The following IL7R variants were observed in gnomAD, a reference collection of about 807,000 sequenced individuals.
The protein encoded by IL7R is interleukin 7 receptor.
Under a neutral mutation model 47.0 loss-of-function variants are expected in IL7R, and 38 were observed. The ratio of observed to expected loss-of-function variants is 0.81; its 90% confidence interval spans 0.62 to 1.06. IL7R has a LOEUF of 1.06. Among genes scored for constraint, IL7R ranks in the 50% least tolerant of loss-of-function variants. The pLI is 0.00. For synonymous variants in IL7R, 221 were observed against 199.8 expected, an observed-to-expected ratio of 1.11 and a Z score of -0.89; for missense variants, 633 against 534.8, an observed-to-expected ratio of 1.18 and a Z score of -1.81.
At chr5:35,863,645 T>C (rs1454672646) in intron 2 of IL7R, among the ~76,000 whole-genome samples, 2 of 152,180 alleles carry the variant, frequency 1.3e-5, no homozygotes, top group Non-Finnish European at 2.9e-5. Flanking sequence ...TCTGCCCAGA[T>C]CTTCACTTCC....
chr5:35,874,575 G>T (rs747783695), intron 6 of IL7R, 33 bp downstream of exon 6: 2 of 1,429,560 alleles, frequency 1.4e-6, no homozygotes, highest in Non-Finnish European at 2.0e-6. Flanking sequence ...GAGGGTGATT[G>T]TGTGGGATCA....
chr5:35,875,313 T>C (rs1760175947), intron 6 of IL7R, 199 bp from the exon 7 acceptor site: 2 of 639,550 alleles, frequency 3.1e-6, no homozygotes, highest in Non-Finnish European at 5.7e-6. Context: ...CTGTGGTCTC[T>C]GGTCCAACCC....
intron 5 of IL7R, among the ~76,000 whole-genome samples, 153 bp downstream of exon 5, chr5:35,873,801 T>A (rs1580862624): frequency 1.3e-5 from 2 of 152,342 alleles, no homozygotes; most frequent in East Asian, 3.9e-4. Context: ...ACTTGCCTGC[T>A]GTCTTTGCGC....
chr5:35,874,569 G>T lies in IL7R; in HGVS notation c.800+27G>T, dbSNP rs369257250. 1.2e-5 allele frequency: 17 copies of T among 1,467,656 alleles called. No individual in the cohort carries two copies. The African/African-American group carries it at 1.8e-4, about 16-fold the overall frequency. The allele number at this position is 1,467,656 out of a possible 1,614,324, so 90.9% of individuals were successfully genotyped here. The stretch of plus-strand genomic sequence containing the variant: ...TGACCTTCTTCAACTAATAAAGAGG[G>T]TGATTGTGTGGGATCACGGACAGTC... On this transcript the variant is annotated intron_variant, in intron 6 of 7. Transcript: ENST00000303115.
In IL7R at chr5:35,875,345, C is replaced by T. The variant is rs183881550; in HGVS notation, c.801-167C>T. 1.1e-4 allele frequency: 75 copies of T among 684,204 alleles called. 2 individuals carry two copies. Among genetic ancestry groups the T allele is most frequent in the East Asian group, 9.1e-4 (33 of 36,160 alleles). 42.4% of individuals were successfully genotyped at this position (684,204 alleles called of 1,614,324 possible). A position where few individuals can be genotyped will look rare whatever the true frequency, so the allele number is the denominator to read the frequency against. ...ACCCCTCCTTGAATTGATAGGGCCC[C>T]GAGGCCCAGAGAAAGCCAGTCTCTT... On this transcript the variant is annotated intron_variant, in intron 6 of 7. Transcript: ENST00000303115.
At chr5:35,875,925 A>G in intron 7 of IL7R, 58 bp from the exon 8 acceptor site, 3 of 1,575,070 alleles carry the variant, frequency 1.9e-6, no homozygotes, top group South Asian at 1.1e-5. Flanking sequence ...TGAACTGAAC[A>G]TTTGATGGTG....
chr5:35,861,315 C>A lies in IL7R; in HGVS notation c.221+325C>A, dbSNP rs77250660. Among the ~76,000 whole-genome samples, 958 of 152,224 alleles carry A rather than the reference C, an allele frequency of 6.3e-3. 15 individuals are homozygous for A. Among genetic ancestry groups the A allele is most frequent in the East Asian group, 0.054 (281 of 5,160 alleles). On this transcript the variant is annotated intron_variant, in intron 2 of 7. Coordinates refer to ENST00000303115, the MANE Select transcript of IL7R (RefSeq NM_002185.5). ...TCACCAAAAATCTGTTTGCCCAACA[C>A]GAGACAATCCAGTGTCTTCAAGTTG...
chr5:35,859,576 G>T (rs1759747558), intron 1 of IL7R, among the ~76,000 whole-genome samples: 1 of 152,180 alleles, frequency 6.6e-6, no homozygotes, highest in Non-Finnish European at 1.5e-5. Flanking sequence ...GTGGTTGTGA[G>T]CAGTGCCCAC....
rs751999018 is a variant in IL7R at position 35,874,468 on chromosome 5, A to G, written c.726A>G (p.Leu242=). 1 of 1,611,954 alleles carries G rather than the reference A, an allele frequency of 6.2e-7. No homozygotes were observed. Among genetic ancestry groups the G allele is most frequent in the South Asian group, 1.1e-5 (1 of 91,032 alleles). The change falls in exon 6 of 8, where the codon TTA becomes TTG. Residue 242 remains leucine (L), a synonymous_variant. Coordinates refer to ENST00000303115, the MANE Select transcript of IL7R (RefSeq NM_002185.5). ...NNSSGEMDPI[L]LTISILSFFS... is the part of the protein sequence containing the mutation. ...TTCCAGGGGAGATGGATCCTATCTT[A>G]CTAACCATCAGCATTTTGAGTTTTT...
intron 2 of IL7R, among the ~76,000 whole-genome samples, chr5:35,864,906 A>G (rs1300993852): frequency 6.6e-6 from 1 of 151,890 alleles, no homozygotes; most frequent in Non-Finnish European, 1.5e-5. Flanking sequence ...AGTTGGGAAG[A>G]TATTTTCTCA....
intron 2 of IL7R, among the ~76,000 whole-genome samples, chr5:35,867,093 A>C (rs1191872142): frequency 2.0e-5 from 3 of 152,186 alleles, no homozygotes; most frequent in African/African-American, 7.2e-5. Context: ...ATTGCATCTA[A>C]TTCTAAGTAA....
rs75591395 is a variant in IL7R at position 35,868,852 on chromosome 5, G to A, written c.379+1389G>A. 2.4e-4 allele frequency among the ~76,000 whole-genome samples: 36 copies of A among 152,158 alleles called. No homozygotes were observed. In the East Asian group the frequency reaches 5.2e-3, roughly 22 times the overall value. On this transcript the variant is annotated intron_variant, in intron 3 of 7. Transcript: ENST00000303115. The stretch of plus-strand genomic sequence containing the variant: ...CACCAAGAGCCTCCAGGTGACATCT[G>A]CCACCTCCAAATCCCCATATCCCAC...
In IL7R at chr5:35,876,522, A is replaced by T. The variant is rs780530930; in HGVS notation, c.*36A>T. Reference sequence around the variant, plus strand: ...ACCCAGACTGAACTTACCGTGAGCGACAAAGATGATTTAAAAGGGAAGTCT... The same window carrying T: ...ACCCAGACTGAACTTACCGTGAGCGTCAAAGATGATTTAAAAGGGAAGTCT... On this transcript the variant is annotated 3_prime_UTR_variant, in exon 8 of 8. Coordinates refer to ENST00000303115, the MANE Select transcript of IL7R (RefSeq NM_002185.5). The T allele has an allele frequency of 1.3e-6, 2 of 1,598,736 alleles. No individual in the cohort carries two copies. Among genetic ancestry groups the T allele is most frequent in the Non-Finnish European group, 1.7e-6 (2 of 1,179,116 alleles).
In IL7R at chr5:35,860,917, GGATC is replaced by G; in HGVS notation, c.150_153del (p.Gln52ThrfsTer3). The G allele has an allele frequency of 6.2e-7, 1 of 1,613,436 alleles. No individual in the cohort carries two copies. The highest frequency in any genetic ancestry group is 8.5e-7 in the Non-Finnish European group (1 of 1,179,478). On this transcript the variant is annotated frameshift_variant, in exon 2 of 8. Coordinates refer to ENST00000303115, the MANE Select transcript of IL7R (RefSeq NM_002185.5). LOFTEE classifies it high-confidence loss of function. ...ATGCTATAGCCAGTTGGAAGTGAAT[GGATC>G]GCAGCACTCACTGACCTGTGCTTTT...
chr5:35,861,177 G>A (rs538706775), intron 2 of IL7R, among the ~76,000 whole-genome samples, 187 bp downstream of exon 2: 2 of 152,202 alleles, frequency 1.3e-5, no homozygotes, highest in African/African-American at 4.8e-5. Context: ...CTCCTCTCAC[G>A]GTTCAGCTTT....
chr5:35,874,028 C>T (rs534641845), intron 5 of IL7R, among the ~76,000 whole-genome samples: 43 of 152,322 alleles, frequency 2.8e-4, no homozygotes, highest in Non-Finnish European at 5.0e-4. Context: ...GCAAGTGCGG[C>T]TGTCCTATGT....
At chr5:35,859,917 TG>T (rs1759755722) in intron 1 of IL7R, among the ~76,000 whole-genome samples, 1 of 150,358 alleles carries the variant, frequency 6.7e-6, no homozygotes, top group South Asian at 2.1e-4. Context: ...CAGGTCCCAG[TG>T]GGTGTATATT....
rs1759852277 is a variant in IL7R, at chr5:35,862,847, T to A, written c.221+1857T>A. 4.6e-5 allele frequency among the ~76,000 whole-genome samples: 7 copies of A among 152,150 alleles called. No homozygotes were observed. The South Asian group carries it at 1.4e-3, about 31-fold the overall frequency. On this transcript the variant is annotated intron_variant, in intron 2 of 7. Coordinates refer to ENST00000303115, the MANE Select transcript of IL7R (RefSeq NM_002185.5). ...TCAAGAATTGAACTAAAAGTTATTG[T>A]CCTAGTTTCTCCACATCCCATGTTT...
At chr5:35,866,282 A>G (rs1241881047) in intron 2 of IL7R, among the ~76,000 whole-genome samples, 1 of 152,110 alleles carries the variant, frequency 6.6e-6, no homozygotes. Flanking sequence ...CTTTATAATT[A>G]TGTATTAAAA....
Sources: allele counts gnomAD v4.1 joint callset (sites outside exome capture counted in the v4.1 genomes callset), GRCh38; gene constraint gnomAD v4.1.1; transcripts MANE v1.5; gene names NCBI Gene and HGNC (gene_info 2026-07-23, HGNC 2026-07-21).